PCDHGA5: variants seen among roughly 807,000 people sequenced by gnomAD.
PCDHGA5 encodes the protein protocadherin gamma subfamily A, 5.
A neutral mutation model predicts 56.7 loss-of-function variants in PCDHGA5; 36 were observed. The ratio of observed to expected loss-of-function variants is 0.64; its 90% CI spans 0.49 to 0.84. PCDHGA5 has a LOEUF of 0.84. Among genes scored for constraint, PCDHGA5 ranks in the 40% least tolerant of loss-of-function variants. The pLI is 0.00. For synonymous variants in PCDHGA5, 563 were observed against 520.2 expected (o/e 1.08, Z -1.12); for missense variants, 1,305 against 1,201.5 (o/e 1.09, Z -1.27).
At chr5:141,483,240 T>C (rs2099578643) in intron 1 of PCDHGA5, among the ~76,000 whole-genome samples, 2 of 151,742 alleles carry the variant, frequency 1.3e-5, no homozygotes, top group Non-Finnish European at 1.5e-5. Flanking sequence ...TGAACTGATA[T>C]GCATATATCA....
At chr5:141,415,709 C>A in intron 1 of PCDHGA5, 1 of 1,092,276 alleles carries the variant, frequency 9.2e-7, no homozygotes, top group Non-Finnish European at 1.3e-6. Context: ...AATGCTAAAA[C>A]ACTGATGAGT....
At chr5:141,381,099 T>C (rs1284355665) in intron 1 of PCDHGA5, among the ~76,000 whole-genome samples, 1 of 152,230 alleles carries the variant, frequency 6.6e-6, no homozygotes, top group East Asian at 1.9e-4. Flanking sequence ...AAACAGAATG[T>C]CCTTCAAAGT....
intron 1 of PCDHGA5, among the ~76,000 whole-genome samples, chr5:141,492,824 C>T (rs1027583244): frequency 4.6e-5 from 7 of 152,236 alleles, no homozygotes. Context: ...ACCAGCGGCC[C>T]CTTCCTCCCG....
intron 1 of PCDHGA5, chr5:141,413,439 G>A (rs747331348): frequency 1.1e-4 from 179 of 1,613,988 alleles, no homozygotes; most frequent in Non-Finnish European, 1.4e-4. Flanking sequence ...GCGGCAGCTT[G>A]ATCACCGCGG....
At chr5:141,442,674 A>G (rs2098335634) in intron 1 of PCDHGA5, among the ~76,000 whole-genome samples, 1 of 152,272 alleles carries the variant, frequency 6.6e-6, no homozygotes, top group Non-Finnish European at 1.5e-5. Context: ...GGTGAGCTTG[A>G]GGGACAGTAG....
Position 141,486,862 on chromosome 5 carries a change from A to G in PCDHGA5, c.2422-7945A>G. The G allele has an allele frequency of 6.2e-7, 1 of 1,614,256 alleles. No individual in the cohort carries two copies. The highest frequency in any genetic ancestry group is 1.3e-5 in the African/African-American group (1 of 75,078). On this transcript the variant is annotated intron_variant, in intron 1 of 3. Transcript: ENST00000518069. This position sits in a 1 kb window ranked among gnomAD's most constrained non-coding sequence, Gnocchi z 5.0. Reference sequence around the variant, plus strand: ...TGCTGGACCTCAATGACAATGCTCCAGCTGTGCTCCGTCCTCGGGCCCGGC... The same window carrying G: ...TGCTGGACCTCAATGACAATGCTCCGGCTGTGCTCCGTCCTCGGGCCCGGC...
chr5:141,400,120 C>G, intron 1 of PCDHGA5: 1 of 1,614,076 alleles, frequency 6.2e-7, no homozygotes, highest in Non-Finnish European at 8.5e-7. Context: ...TGACAGCTTG[C>G]AGGAGGTGCT....
intron 1 of PCDHGA5, among the ~76,000 whole-genome samples, chr5:141,473,542 G>A (rs1444751260): frequency 6.6e-6 from 1 of 152,176 alleles, no homozygotes; most frequent in Non-Finnish European, 1.5e-5. Flanking sequence ...GGGGCCTAAT[G>A]GAAGACCTCT....
intron 1 of PCDHGA5, among the ~76,000 whole-genome samples, chr5:141,481,950 T>C (rs1378337886): frequency 2.7e-5 from 4 of 146,216 alleles, no homozygotes; most frequent in Admixed American, 1.4e-4. Flanking sequence ...CCAGATGTGG[T>C]GGCAGGTGCC....
At chr5:141,464,426 G>GAT (rs1287556960) in intron 1 of PCDHGA5, among the ~76,000 whole-genome samples, 1 of 151,096 alleles carries the variant, frequency 6.6e-6, no homozygotes, top group African/African-American at 2.4e-5. Flanking sequence ...TATATATATA[G>GAT]ATATATATGT....
chr5:141,420,271 A>G, intron 1 of PCDHGA5: 1 of 1,536,584 alleles, frequency 6.5e-7, no homozygotes, highest in Non-Finnish European at 8.8e-7. Flanking sequence ...AGATTCTTAA[A>G]CAGGTAAGTA....
chr5:141,377,638 G>T (rs1588842725), intron 1 of PCDHGA5: 1 of 151,416 alleles, frequency 6.6e-6, no homozygotes, highest in East Asian at 1.9e-4. Flanking sequence ...TTTTCTCAGT[G>T]TTACTTGATA....
chr5:141,458,513 GT>G (rs537551567), intron 1 of PCDHGA5, among the ~76,000 whole-genome samples: 34 of 146,056 alleles, frequency 2.3e-4, no homozygotes, highest in South Asian at 6.5e-4. Flanking sequence ...TTGACACTTT[GT>G]TTTTTTTTTT....
intron 1 of PCDHGA5, among the ~76,000 whole-genome samples, chr5:141,475,097 T>C (rs180692931): frequency 6.6e-6 from 1 of 152,370 alleles, no homozygotes; most frequent in East Asian, 1.9e-4. Context: ...TTTATAAAGA[T>C]CCTAGGTGGT....
In PCDHGA5 at chr5:141,372,412, C is replaced by T. The variant is rs776836110; in HGVS notation, c.2421+5661C>T. On this transcript the variant is annotated intron_variant, in intron 1 of 3. Coordinates refer to ENST00000518069, the MANE Select transcript of PCDHGA5 (RefSeq NM_018918.3). ...GCAGATAGCTTGCAAGAGATACAAC[C>T]TGACCTTAGCGACCGCCCCACTCCC... is the stretch of plus-strand genomic sequence containing the variant. 3.7e-6 allele frequency: 6 copies of T among 1,613,964 alleles called. No homozygotes were observed. Among genetic ancestry groups the T allele is most frequent in the Non-Finnish European group, 5.1e-6 (6 of 1,179,912 alleles).
At chr5:141,400,302 T>A (rs7701363) in intron 1 of PCDHGA5, 1 of 1,614,082 alleles carries the variant, frequency 6.2e-7, no homozygotes, top group African/African-American at 1.3e-5. Context: ...GCTTCCAACC[T>A]GGTCTCTGTG....
intron 1 of PCDHGA5, among the ~76,000 whole-genome samples, chr5:141,473,775 T>A (rs1219791398): frequency 6.6e-6 from 1 of 152,190 alleles, no homozygotes; most frequent in African/African-American, 2.4e-5. Flanking sequence ...ATTTGGTATT[T>A]TAATTCAAGA....
chr5:141,382,731 A>G (rs1250192091), intron 1 of PCDHGA5: 6 of 554,412 alleles, frequency 1.1e-5, no homozygotes, highest in Non-Finnish European at 1.8e-5. Flanking sequence ...TTTACAGCAC[A>G]GAGAAACGAC....
chr5:141,419,151 C>G, intron 1 of PCDHGA5: 3 of 1,613,918 alleles, frequency 1.9e-6, no homozygotes, highest in Non-Finnish European at 1.7e-6. Flanking sequence ...GGCAAGCCTC[C>G]GTTATCCTCC....
Sources: gnomAD v4.1 joint callset for allele counts (sites outside exome capture counted in the v4.1 genomes callset) on GRCh38, gnomAD v4.1.1 for gene constraint, Gnocchi (gnomAD v3.1) non-coding constraint, MANE v1.5 for transcripts, NCBI Gene and HGNC (gene_info 2026-07-23, HGNC 2026-07-21) for gene names.